MICAL2: variants seen among roughly 807,000 people sequenced by gnomAD.
MICAL2 encodes microtubule associated monooxygenase, calponin and LIM domain containing 2, also known as [F-actin]-monooxygenase MICAL2.
MICAL2 carries 77 observed loss-of-function variants against 127.3 expected under a neutral mutation model. The ratio of observed to expected loss-of-function variants is 0.60; its 90% confidence interval spans 0.50 to 0.73. The LOEUF (loss-of-function observed/expected upper bound fraction) is 0.73, where lower values mean the gene tolerates loss of function less well. Among genes scored for constraint, MICAL2 ranks in the 30% least tolerant of loss-of-function variants. The probability of loss-of-function intolerance (pLI) is 0.00; values close to 1 mark genes in which losing one functional copy is unlikely to be tolerated. For synonymous variants in MICAL2, 570 were observed against 551.1 expected, an observed-to-expected ratio of 1.03 and a Z score of -0.48; for missense variants, 1,351 against 1,434.4, an observed-to-expected ratio of 0.94 and a Z score of 0.94.
rs556662753 is a variant in MICAL2 at position 12,220,210 on chromosome 11, G to A, written c.958G>A (p.Asp320Asn). The A allele has an allele frequency of 4.3e-5, 70 of 1,614,048 alleles. No individual in the cohort carries two copies. The highest frequency in any genetic ancestry group is 5.3e-5 in the Non-Finnish European group (63 of 1,180,020). The change falls in exon 9 of 28, where the codon GAC (aspartate) becomes AAC (asparagine). Residue 320 changes from aspartate (D) to asparagine (N), a missense_variant. Physicochemically the swap from Asp to Asn is conservative, Grantham distance 23. Transcript: ENST00000683283. ...DKGVIINDYIDTEMLLCAENV... is the reference protein window; with the variant it reads ...DKGVIINDYINTEMLLCAENV... ...TTTTCATCTTCCCCAGGACTACATC[G>A]ACACAGAGATGCTGCTGTGTGCGGA...
At chr11:12,138,758 C>T (rs777679822) in intron 2 of MICAL2, among the ~76,000 whole-genome samples, 11 of 152,162 alleles carry the variant, frequency 7.2e-5, no homozygotes, top group South Asian at 2.1e-4. Context: ...CAGCAATTCC[C>T]GGCAGGCACA....
intron 2 of MICAL2, among the ~76,000 whole-genome samples, chr11:12,285,856 C>T (rs1308615542): frequency 1.3e-5 from 2 of 152,182 alleles, no homozygotes; most frequent in Non-Finnish European, 2.9e-5. Context: ...TCAGACCCTC[C>T]CTGCGTCCAT....
chr11:12,120,379 G>A (rs1850406650), intron 1 of MICAL2, among the ~76,000 whole-genome samples: 1 of 152,224 alleles, frequency 6.6e-6, no homozygotes, highest in Non-Finnish European at 1.5e-5. Flanking sequence ...GGGTGCTGGG[G>A]GCATCAACAG....
intron 29 of MICAL2, among the ~76,000 whole-genome samples, chr11:12,317,020 C>T (rs1360254400): frequency 6.6e-6 from 1 of 152,196 alleles, no homozygotes; most frequent in Non-Finnish European, 1.5e-5. Context: ...TAGGCTACAA[C>T]TTTCCAGCAG....
intron 2 of MICAL2, among the ~76,000 whole-genome samples, chr11:12,139,210 C>T (rs182924479): frequency 2.0e-5 from 3 of 152,166 alleles, no homozygotes; most frequent in Admixed American, 6.5e-5. Context: ...TGGCACCCCT[C>T]CTCCCTCCTC....
intron 15 of MICAL2, among the ~76,000 whole-genome samples, chr11:12,227,931 G>C (rs1246143193): frequency 6.6e-6 from 1 of 152,202 alleles, no homozygotes; most frequent in African/African-American, 2.4e-5. Flanking sequence ...GACACAGTTT[G>C]GGCATCACAT....
At chr11:12,216,965 T>C (rs1856242443) in intron 8 of MICAL2, among the ~76,000 whole-genome samples, 2 of 152,208 alleles carry the variant, frequency 1.3e-5, no homozygotes, top group Non-Finnish European at 2.9e-5. Flanking sequence ...CTCTGTAACT[T>C]CTCAGCCTTG....
intron 2 of MICAL2, chr11:12,161,540 A>G (rs998347438): frequency 6.5e-6 from 1 of 152,974 alleles, no homozygotes; most frequent in African/African-American, 2.4e-5. Context: ...CTGGTAACGA[A>G]TGAAGAAAGG....
At chr11:12,222,961 A>G (rs1039088455) in intron 11 of MICAL2, among the ~76,000 whole-genome samples, 2 of 152,146 alleles carry the variant, frequency 1.3e-5, no homozygotes, top group African/African-American at 2.4e-5. Context: ...AGAGATTTAT[A>G]TGTATATGTG....
In MICAL2 at chr11:12,138,416, T is replaced by A. The variant is rs762199816; in HGVS notation, c.-122T>A. 6.6e-6 allele frequency: 1 copy of A among 152,208 alleles called. No individual in the cohort carries two copies. Among genetic ancestry groups the A allele is most frequent in the Non-Finnish European group, 1.5e-5 (1 of 68,038 alleles). The allele number at this position is 152,208 out of a possible 1,614,324, so 9.4% of individuals were successfully genotyped here. A position where few individuals can be genotyped will look rare whatever the true frequency, so the allele number is the denominator to read the frequency against. On this transcript the variant is annotated 5_prime_UTR_variant, in exon 2 of 28. Transcript: ENST00000683283. ...AACATGGCAACCCGTGTGTGTCTCA[T>A]CCCAGAAAGAGAAGACTTTAACCAC...
At chr11:12,293,249 C>T (rs138321412), downstream of MICAL2, among the ~76,000 whole-genome samples, 1,689 of 152,220 alleles carry the variant, frequency 0.011, 9 homozygotes, top group Non-Finnish European at 0.017. Context: ...ATCATGGGCC[C>T]GGGAGCTTAT....
intron 2 of MICAL2, among the ~76,000 whole-genome samples, chr11:12,139,527 G>A (rs1852144749): frequency 6.6e-6 from 1 of 152,160 alleles, no homozygotes; most frequent in Non-Finnish European, 1.5e-5. Flanking sequence ...GCATGTCAGG[G>A]CATTTGGCAG....
chr11:12,338,638 AG>A (rs1938808216), intron 32 of MICAL2, among the ~76,000 whole-genome samples: 1 of 152,124 alleles, frequency 6.6e-6, no homozygotes, highest in African/African-American at 2.4e-5. Flanking sequence ...GAGCTCTTTT[AG>A]GGCAGGCCTT....
intron 3 of MICAL2, among the ~76,000 whole-genome samples, chr11:12,173,400 GT>G (rs1357087272): frequency 6.6e-6 from 1 of 152,234 alleles, no homozygotes; most frequent in Non-Finnish European, 1.5e-5. Context: ...GAAGTTTCAT[GT>G]CCCCTTCCAG....
At chr11:12,232,639 T>C (rs1338536377) in intron 15 of MICAL2, among the ~76,000 whole-genome samples, 3 of 152,138 alleles carry the variant, frequency 2.0e-5, no homozygotes, top group Non-Finnish European at 4.4e-5. Flanking sequence ...TGAGAATCAC[T>C]TTAACCTGGG....
intron 24 of MICAL2, among the ~76,000 whole-genome samples, chr11:12,271,078 G>A (rs1863669830): frequency 6.6e-6 from 1 of 152,178 alleles, no homozygotes; most frequent in Non-Finnish European, 1.5e-5. Context: ...CTCATAGGTA[G>A]GCCTTGGACC....
intron 2 of MICAL2, among the ~76,000 whole-genome samples, chr11:12,148,249 G>T (rs1853168641): frequency 6.6e-6 from 1 of 152,166 alleles, no homozygotes; most frequent in African/African-American, 2.4e-5. Flanking sequence ...CAGCACCATG[G>T]AGCTGACTGG....
exon 32 of MICAL2, chr11:12,327,190 G>C (rs1864362379): frequency 6.4e-7 from 1 of 1,551,760 alleles, no homozygotes; most frequent in African/African-American, 1.4e-5. Flanking sequence ...AGAGGCAGCT[G>C]GAGGAGGTGG....
At chr11:12,324,571 A>G (rs569305156) in intron 31 of MICAL2, among the ~76,000 whole-genome samples, 2 of 152,330 alleles carry the variant, frequency 1.3e-5, no homozygotes, top group Admixed American at 6.5e-5. Flanking sequence ...CAAGTTGCTC[A>G]GCCACAACTC....
Sources: allele counts gnomAD v4.1 joint callset (sites outside exome capture counted in the v4.1 genomes callset), GRCh38; gene constraint gnomAD v4.1.1; transcripts MANE v1.5; gene names NCBI Gene and HGNC (gene_info 2026-07-23, HGNC 2026-07-21).